Variants in NCAPD3 observed in about 807,000 individuals in gnomAD.
The protein encoded by NCAPD3 is non-SMC condensin II complex subunit D3.
In NCAPD3, 105 loss-of-function variants were observed where a neutral mutation model predicts 182.9. The observed-to-expected ratio is 0.57, with a 90% CI of 0.49 to 0.68. The LOEUF (loss-of-function observed/expected upper bound fraction) is 0.68, where lower values mean the gene tolerates loss of function less well. NCAPD3 is among the 30% of genes least tolerant of loss of function. The pLI, the probability that NCAPD3 is intolerant of heterozygous loss-of-function variation, is 0.00. For missense variants in NCAPD3, 1,944 were observed against 1,837.0 expected (o/e 1.06, Z -1.07); for synonymous variants, 815 against 679.9 (o/e 1.20, Z -3.09).
At chr11:134,176,475 T>G in intron 23 of NCAPD3, 89 bp from the exon 24 acceptor site, 7 of 1,071,624 alleles carry the variant, frequency 6.5e-6, no homozygotes, top group East Asian at 2.4e-5. Flanking sequence ...CCACGCGGTC[T>G]GTCCCCGGCA....
chr11:134,168,399 G>C (rs1329120379), intron 26 of NCAPD3, 70 bp downstream of exon 26: 24 of 1,596,036 alleles, frequency 1.5e-5, no homozygotes, highest in Middle Eastern at 1.7e-4. Flanking sequence ...CTAGAGGCCT[G>C]CTGGGCCATT....
intron 27 of NCAPD3, among the ~76,000 whole-genome samples, chr11:134,166,809 A>AC (rs1943828179): frequency 1.2e-5 from 1 of 81,636 alleles, no homozygotes; most frequent in African/African-American, 5.4e-5. Flanking sequence ...AGCTTAGGGG[A>AC]GCTGCACACT....
At chr11:134,192,523 T>C (rs890175588) in intron 16 of NCAPD3, among the ~76,000 whole-genome samples, 166 bp downstream of exon 16, 2 of 152,196 alleles carry the variant, frequency 1.3e-5, no homozygotes, top group African/African-American at 4.8e-5. Flanking sequence ...GATAAAAATA[T>C]CTAAGAGATT....
At chr11:134,162,700 T>C (rs1284477077) in intron 27 of NCAPD3, among the ~76,000 whole-genome samples, 2 of 152,148 alleles carry the variant, frequency 1.3e-5, no homozygotes, top group East Asian at 3.9e-4. Flanking sequence ...TGAGCAGATG[T>C]TATGTTCAGG....
intron 24 of NCAPD3, among the ~76,000 whole-genome samples, chr11:134,169,397 C>T (rs1215058330): frequency 6.6e-6 from 1 of 152,200 alleles, no homozygotes; most frequent in Non-Finnish European, 1.5e-5. Context: ...GGCCAGTGGT[C>T]TTATAAGACT....
chr11:134,156,569 C>A (rs1010719722), intron 32 of NCAPD3, among the ~76,000 whole-genome samples: 1 of 152,228 alleles, frequency 6.6e-6, no homozygotes, highest in African/African-American at 2.4e-5. Context: ...GAGACACAGG[C>A]TCCGAGCAGG....
intron 2 of NCAPD3, among the ~76,000 whole-genome samples, 154 bp downstream of exon 2, chr11:134,220,418 G>A (rs536547499): frequency 8.6e-5 from 13 of 151,458 alleles, no homozygotes; most frequent in African/African-American, 2.7e-4. Context: ...AAAGCTCTTA[G>A]GATATTCCAA....
chr11:134,225,192 C>T (rs1036512274), upstream of NCAPD3: 1 of 1,613,990 alleles, frequency 6.2e-7, no homozygotes, highest in African/African-American at 1.3e-5. Context: ...GAGTAGGAAG[C>T]GGGCCGAGCA....
chr11:134,218,714 G>T (rs1382702441), intron 2 of NCAPD3, among the ~76,000 whole-genome samples: 1 of 152,086 alleles, frequency 6.6e-6, no homozygotes, highest in African/African-American at 2.4e-5. Context: ...TAGTTCACAA[G>T]GCCCTATTAA....
At chr11:134,160,785 AG>A in intron 28 of NCAPD3, among the ~76,000 whole-genome samples, 1 of 152,248 alleles carries the variant, frequency 6.6e-6, no homozygotes, top group South Asian at 2.1e-4. Context: ...GCACTTTTCC[AG>A]CTGCCACTAG....
At chr11:134,225,112 C>T (rs550972156), upstream of NCAPD3, 3 of 1,593,150 alleles carry the variant, frequency 1.9e-6, no homozygotes, top group South Asian at 3.4e-5. Flanking sequence ...CCCGCCCGGC[C>T]CGGCGGTGCG....
At chr11:134,207,756 A>G (rs900974798) in intron 7 of NCAPD3, among the ~76,000 whole-genome samples, 4 of 151,702 alleles carry the variant, frequency 2.6e-5, no homozygotes, top group Non-Finnish European at 5.9e-5. Context: ...AAAAAAAAAA[A>G]AAAAAAAAAA....
chr11:134,167,491 G>A (rs1174760252), intron 27 of NCAPD3, among the ~76,000 whole-genome samples: 1 of 143,800 alleles, frequency 7.0e-6, no homozygotes, highest in African/African-American at 2.6e-5. Context: ...GAGCTTGGGG[G>A]AGGCGCACAC....
intron 33 of NCAPD3, 21 bp from the exon 34 acceptor site, chr11:134,153,221 C>T (rs1486877771): frequency 1.2e-6 from 2 of 1,613,860 alleles, no homozygotes; most frequent in African/African-American, 1.3e-5. Context: ...GTCAAACAAA[C>T]ACATTCAGCT....
chr11:134,180,234 T>C (rs969607732), intron 20 of NCAPD3, among the ~76,000 whole-genome samples: 2 of 152,122 alleles, frequency 1.3e-5, no homozygotes, highest in East Asian at 1.9e-4. Flanking sequence ...TCAGGCTCAA[T>C]GGTCTTCTCT....
intron 6 of NCAPD3, 54 bp from the exon 7 acceptor site, chr11:134,209,005 TTC>T (rs1164306120): frequency 6.7e-6 from 10 of 1,484,048 alleles, no homozygotes; most frequent in Non-Finnish European, 9.3e-6. Context: ...CTTGGAATAT[TTC>T]TTAGTCCTAC....
At chr11:134,177,513 C>A in intron 22 of NCAPD3, 56 bp from the exon 23 acceptor site, 1 of 1,489,586 alleles carries the variant, frequency 6.7e-7, no homozygotes, top group Non-Finnish European at 9.3e-7. Flanking sequence ...AATTCCATTC[C>A]TAAATTTTCT....
intron 8 of NCAPD3, among the ~76,000 whole-genome samples, chr11:134,205,381 T>TC (rs1447545147): frequency 6.6e-6 from 1 of 151,866 alleles, no homozygotes; most frequent in Non-Finnish European, 1.5e-5. Context: ...ATAAGAAATT[T>TC]CTTTTTTTTT....
intron 4 of NCAPD3, 117 bp from the exon 5 acceptor site, chr11:134,209,594 T>C: frequency 1.1e-6 from 1 of 945,770 alleles, no homozygotes; most frequent in Non-Finnish European, 1.6e-6. Context: ...GATGTTGAGG[T>C]GATATGACTT....
Sources: gnomAD v4.1 joint callset for allele counts (sites outside exome capture counted in the v4.1 genomes callset) on GRCh38, gnomAD v4.1.1 for gene constraint, MANE v1.5 for transcripts, NCBI Gene and HGNC (gene_info 2026-07-23, HGNC 2026-07-21) for gene names.